CLNK: variants seen among roughly 807,000 people sequenced by gnomAD.
The protein encoded by CLNK is cytokine dependent hematopoietic cell linker.
A neutral mutation model predicts 68.6 loss-of-function variants in CLNK; 74 were observed. That is an observed-to-expected ratio of 1.08 (90% CI 0.89 to 1.31). The LOEUF (loss-of-function observed/expected upper bound fraction) is 1.31. Ranked by LOEUF, CLNK falls within the 50% of genes most tolerant of loss-of-function variation. The probability of loss-of-function intolerance (pLI) is 0.00; values close to 1 mark genes in which losing one functional copy is unlikely to be tolerated. For missense variants in CLNK, 553 were observed against 515.3 expected, an observed-to-expected ratio of 1.07 and a Z score of -0.71; for synonymous variants, 198 against 172.2, an observed-to-expected ratio of 1.15 and a Z score of -1.17.
At chr4:10,669,360 G>T (rs958097343) in intron 1 of CLNK, among the ~76,000 whole-genome samples, 2 of 152,204 alleles carry the variant, frequency 1.3e-5, no homozygotes, top group Non-Finnish European at 2.9e-5. Context: ...GTCTTGGAGA[G>T]CCAGCCAGGG....
At chr4:10,658,570 G>A (rs989128591) in intron 2 of CLNK, among the ~76,000 whole-genome samples, 10 of 152,140 alleles carry the variant, frequency 6.6e-5, no homozygotes, top group Non-Finnish European at 1.2e-4. Context: ...TTCTCAAGGC[G>A]GGTGCCTAGT....
At chr4:10,605,166 C>T (rs76132871) in intron 2 of CLNK, among the ~76,000 whole-genome samples, 55 of 152,304 alleles carry the variant, frequency 3.6e-4, no homozygotes, top group African/African-American at 1.2e-3. Context: ...GCCTGCCCTA[C>T]GGATTTCAAA....
intron 2 of CLNK, among the ~76,000 whole-genome samples, chr4:10,616,000 C>T (rs1457246317): frequency 2.0e-5 from 3 of 152,126 alleles, no homozygotes; most frequent in Admixed American, 1.3e-4. Flanking sequence ...GAATTTTGCA[C>T]GCCAGTTGTT....
chr4:10,716,696 T>C, the CLNK span, among the ~76,000 whole-genome samples: 1 of 150,832 alleles, frequency 6.6e-6, no homozygotes, highest in South Asian at 2.1e-4. Flanking sequence ...CTTTTTTTTT[T>C]TTTTTTAATT....
chr4:10,580,929 C>T (rs991605840), intron 4 of CLNK, among the ~76,000 whole-genome samples: 2 of 152,174 alleles, frequency 1.3e-5, no homozygotes, highest in Non-Finnish European at 2.9e-5. Context: ...ATCAAGCCTT[C>T]GCATTCACTC....
At chr4:10,549,172 A>G (rs1719349403) in intron 8 of CLNK, among the ~76,000 whole-genome samples, 1 of 152,262 alleles carries the variant, frequency 6.6e-6, no homozygotes, top group Non-Finnish European at 1.5e-5. Context: ...CGCATCAAAT[A>G]TGCCGACTGG....
intron 9 of CLNK, 31 bp from the exon 10 acceptor site, chr4:10,542,072 T>A (rs1394705814): frequency 6.3e-7 from 1 of 1,575,288 alleles, no homozygotes; most frequent in Non-Finnish European, 8.6e-7. Context: ...CTAAATTAAG[T>A]TTATTGTTCT....
chr4:10,728,854 C>T, the CLNK span, among the ~76,000 whole-genome samples: 1 of 152,200 alleles, frequency 6.6e-6, no homozygotes, highest in East Asian at 1.9e-4. Context: ...CCGCCTTGGC[C>T]TCCCAAAGTG....
chr4:10,504,514 A>C (rs4698061), intron 17 of CLNK, among the ~76,000 whole-genome samples: 151,359 of 152,320 alleles, frequency 0.99, 75,214 homozygotes, highest in East Asian at 1. Context: ...TTAAGTGAAT[A>C]CCCTAAAGCA....
At chr4:10,712,622 G>A in the CLNK span, among the ~76,000 whole-genome samples, 1 of 152,182 alleles carries the variant, frequency 6.6e-6, no homozygotes, top group East Asian at 1.9e-4. Flanking sequence ...TTCTGTTAAG[G>A]CATAAGCAGA....
chr4:10,650,499 A>G (rs1723684290), intron 2 of CLNK, among the ~76,000 whole-genome samples: 2 of 152,172 alleles, frequency 1.3e-5, no homozygotes, highest in South Asian at 4.1e-4. Flanking sequence ...TTTTAAAAGC[A>G]TCCAGAGAGA....
At chr4:10,612,434 G>A (rs1464287330) in intron 2 of CLNK, among the ~76,000 whole-genome samples, 1 of 152,184 alleles carries the variant, frequency 6.6e-6, no homozygotes, top group Non-Finnish European at 1.5e-5. Flanking sequence ...AATTATTCCT[G>A]TTGACAACAT....
At chr4:10,581,604 T>C (rs890843101) in intron 4 of CLNK, among the ~76,000 whole-genome samples, 2 of 152,154 alleles carry the variant, frequency 1.3e-5, no homozygotes, top group Non-Finnish European at 2.9e-5. Context: ...TTTCCTCATA[T>C]GTAAAATATA....
At chr4:10,663,575 A>C (rs1045516159) in intron 2 of CLNK, among the ~76,000 whole-genome samples, 1 of 152,206 alleles carries the variant, frequency 6.6e-6, no homozygotes, top group Non-Finnish European at 1.5e-5. Context: ...ATATGTGTGC[A>C]TGTGCTTGTA....
intron 3 of CLNK, among the ~76,000 whole-genome samples, chr4:10,588,811 T>C (rs986071753): frequency 1.3e-5 from 2 of 151,958 alleles, no homozygotes; most frequent in Admixed American, 1.3e-4. Context: ...CTATATTATA[T>C]ATCTAAAATA....
chr4:10,726,208 G>A, the CLNK span, among the ~76,000 whole-genome samples: 1 of 152,100 alleles, frequency 6.6e-6, no homozygotes, highest in Admixed American at 6.6e-5. Flanking sequence ...TGCAACCTCT[G>A]CCTCTCGGGT....
At chr4:10,598,399 T>C (rs1325381210) in intron 2 of CLNK, among the ~76,000 whole-genome samples, 1 of 152,210 alleles carries the variant, frequency 6.6e-6, no homozygotes, top group Non-Finnish European at 1.5e-5. Flanking sequence ...TTCTGTAAAA[T>C]GAAGAATATC....
intron 13 of CLNK, among the ~76,000 whole-genome samples, chr4:10,526,656 G>A (rs1458048992): frequency 7.9e-5 from 12 of 152,104 alleles, no homozygotes. Flanking sequence ...GAGCTCCTAG[G>A]GTTCTCACGT....
At chr4:10,655,826 T>C (rs1228275867) in intron 2 of CLNK, among the ~76,000 whole-genome samples, 4 of 151,956 alleles carry the variant, frequency 2.6e-5, no homozygotes, top group Non-Finnish European at 4.4e-5. Context: ...GTTTTTTGTA[T>C]TTTTAGTAGA....
Sources: allele counts gnomAD v4.1 joint callset (sites outside exome capture counted in the v4.1 genomes callset), GRCh38; gene constraint gnomAD v4.1.1; transcripts MANE v1.5; gene names NCBI Gene and HGNC (gene_info 2026-07-23, HGNC 2026-07-21).